FANCC: variants seen among roughly 807,000 people sequenced by gnomAD.
The protein encoded by FANCC is FA complementation group C.
Under a neutral mutation model 71.3 loss-of-function variants are expected in FANCC, and 55 were observed. The observed-to-expected ratio is 0.77, with a 90% CI of 0.62 to 0.97. FANCC has a LOEUF of 0.97. FANCC is among the 50% of genes least tolerant of loss of function. The pLI, the probability that FANCC is intolerant of heterozygous loss-of-function variation, is 0.00. For synonymous variants in FANCC, 275 were observed against 244.9 expected (o/e 1.12, Z -1.15); for missense variants, 678 against 670.9 (o/e 1.01, Z -0.12).
chr9:95,150,542 C>T (rs757542173), intron 6 of FANCC, among the ~76,000 whole-genome samples: 4 of 152,218 alleles, frequency 2.6e-5, no homozygotes, highest in Non-Finnish European at 4.4e-5. Flanking sequence ...ACCACCACCT[C>T]TAGCCTGGGT....
At chr9:95,214,263 C>T (rs182634936) in intron 4 of FANCC, among the ~76,000 whole-genome samples, 1 of 152,064 alleles carries the variant, frequency 6.6e-6, no homozygotes, top group Non-Finnish European at 1.5e-5. Flanking sequence ...TCTATTTCTA[C>T]AAAAAACATA....
chr9:95,113,252 G>A (rs1272875511), intron 12 of FANCC, among the ~76,000 whole-genome samples: 2 of 152,214 alleles, frequency 1.3e-5, no homozygotes, highest in African/African-American at 4.8e-5. Flanking sequence ...CATCAATCAC[G>A]GAGCTGGACA....
rs2071066650 is a variant in FANCC, at chr9:95,101,366, G to A, written c.*341C>T. 2 of 407,650 alleles carry A rather than the reference G, an allele frequency of 4.9e-6. No homozygotes were observed. The highest frequency in any genetic ancestry group is 9.1e-6 in the Non-Finnish European group (2 of 220,382). The allele number at this position is 407,650 out of a possible 1,614,324, so 25.3% of individuals were successfully genotyped here. On this transcript the variant is annotated 3_prime_UTR_variant, in exon 15 of 15. Transcript: ENST00000289081. ...TAAGACTTTGAATTTTTAAATAATA[G>A]ATGTGCAGCTTGACTTGGGTAAAAA...
At chr9:95,211,938 G>A (rs533038861) in intron 4 of FANCC, among the ~76,000 whole-genome samples, 18 of 149,174 alleles carry the variant, frequency 1.2e-4, no homozygotes, top group Non-Finnish European at 2.5e-4. Context: ...AATACACAAA[G>A]CAAAATTAAG....
chr9:95,247,622 C>A, intron 2 of FANCC, 106 bp from the exon 3 acceptor site: 2 of 766,398 alleles, frequency 2.6e-6, no homozygotes, highest in Middle Eastern at 3.0e-4. Flanking sequence ...GTTTAGTATA[C>A]CATTTTTAAA....
At chr9:95,102,205 G>A (rs530684936) in intron 14 of FANCC, among the ~76,000 whole-genome samples, 138 of 152,314 alleles carry the variant, frequency 9.1e-4, no homozygotes, top group African/African-American at 2.8e-3. Flanking sequence ...GGGGAACAAA[G>A]GCAAATGAGC....
intron 1 of FANCC, among the ~76,000 whole-genome samples, chr9:95,263,774 CTCGGGGA>C (rs1281924064): frequency 6.6e-6 from 1 of 152,118 alleles, no homozygotes; most frequent in Non-Finnish European, 1.5e-5. Flanking sequence ...CTAAAAGGGT[CTCGGGGA>C]CCCTGGGCCC....
intron 4 of FANCC, among the ~76,000 whole-genome samples, chr9:95,172,394 G>A (rs900489782): frequency 6.6e-6 from 1 of 152,254 alleles, no homozygotes; most frequent in East Asian, 1.9e-4. Flanking sequence ...TATCATCAAT[G>A]AGCAGTGCTT....
At chr9:95,163,025 T>A (rs371568684) in intron 6 of FANCC, among the ~76,000 whole-genome samples, 76 of 152,358 alleles carry the variant, frequency 5.0e-4, no homozygotes, top group African/African-American at 1.7e-3. Context: ...TCCAAGATCA[T>A]TGCGAAGTCC....
chr9:95,211,264 T>C (rs72752330), intron 4 of FANCC, among the ~76,000 whole-genome samples: 470 of 152,274 alleles, frequency 3.1e-3, no homozygotes, highest in Non-Finnish European at 5.3e-3. Flanking sequence ...GAAGTTTCAC[T>C]GAGTTAAGGA....
intron 1 of FANCC, among the ~76,000 whole-genome samples, chr9:95,302,038 C>T (rs1189072997): frequency 1.4e-5 from 2 of 142,902 alleles, no homozygotes; most frequent in Non-Finnish European, 3.0e-5. Flanking sequence ...GCAGAGATGG[C>T]GCCACTGCAC....
intron 13 of FANCC, among the ~76,000 whole-genome samples, chr9:95,107,921 G>A (rs938614801): frequency 3.3e-5 from 5 of 152,166 alleles, no homozygotes; most frequent in African/African-American, 1.2e-4. Context: ...GGTTGCTTTT[G>A]CATAAAAAAT....
At chr9:95,274,876 C>T (rs1018116722) in intron 1 of FANCC, among the ~76,000 whole-genome samples, 3 of 152,148 alleles carry the variant, frequency 2.0e-5, no homozygotes, top group African/African-American at 7.2e-5. Context: ...GGGAGGATAT[C>T]TGCAGTCCCT....
intron 2 of FANCC, 140 bp from the exon 3 acceptor site, chr9:95,247,656 A>C (rs948528556): frequency 1.3e-4 from 85 of 668,216 alleles, no homozygotes; most frequent in Non-Finnish European, 1.9e-5. Flanking sequence ...GGATTAGAGA[A>C]GATCTTTAGG....
intron 1 of FANCC, among the ~76,000 whole-genome samples, chr9:95,307,969 G>A (rs1036337275): frequency 3.9e-5 from 6 of 152,206 alleles, no homozygotes; most frequent in Non-Finnish European, 8.8e-5. Context: ...ATCACACAGC[G>A]ACAGAGCACA....
intron 1 of FANCC, chr9:95,294,329 T>C: frequency 6.3e-7 from 1 of 1,588,690 alleles, no homozygotes; most frequent in Non-Finnish European, 8.6e-7. Flanking sequence ...ACTGAGCCAG[T>C]CTTGGAGTCA....
intron 4 of FANCC, among the ~76,000 whole-genome samples, chr9:95,238,701 G>A (rs953558638): frequency 6.6e-6 from 1 of 152,082 alleles, no homozygotes; most frequent in African/African-American, 2.4e-5. Context: ...TAGTAGCTGA[G>A]AGTACAGGCA....
At chr9:95,112,859 T>C (rs1454304440) in intron 12 of FANCC, among the ~76,000 whole-genome samples, 1 of 152,270 alleles carries the variant, frequency 6.6e-6, no homozygotes, top group African/African-American at 2.4e-5. Context: ...TAAGTCCTGT[T>C]CTGCAGCACC....
At chr9:95,134,485 C>A (rs1174301094) in intron 8 of FANCC, among the ~76,000 whole-genome samples, 1 of 152,108 alleles carries the variant, frequency 6.6e-6, no homozygotes, top group Non-Finnish European at 1.5e-5. Context: ...TCTCCACTTG[C>A]AGGAAGCAGG....
Sources: gnomAD v4.1 joint callset for allele counts (sites outside exome capture counted in the v4.1 genomes callset) on GRCh38, gnomAD v4.1.1 for gene constraint, MANE v1.5 for transcripts, NCBI Gene and HGNC (gene_info 2026-07-23, HGNC 2026-07-21) for gene names.